The following NT5C3A variants were observed in gnomAD, a reference collection of about 807,000 sequenced individuals.
NT5C3A encodes the protein cytosolic 5'-nucleotidase 3A.
NT5C3A carries 23 observed loss-of-function variants against 40.0 expected under a neutral mutation model. That is an observed-to-expected ratio of 0.58 (90% CI 0.41 to 0.81). The LOEUF (loss-of-function observed/expected upper bound fraction) is 0.81. NT5C3A is among the 40% of genes least tolerant of loss of function. The probability of loss-of-function intolerance (pLI) is 0.00; values close to 1 mark genes in which losing one functional copy is unlikely to be tolerated. For missense variants in NT5C3A, 328 were observed against 403.0 expected (o/e 0.81, Z 1.59); for synonymous variants, 130 against 141.4 (o/e 0.92, Z 0.57).
intron 2 of NT5C3A, among the ~76,000 whole-genome samples, chr7:33,025,830 C>A (rs188888116): frequency 5.1e-4 from 77 of 152,252 alleles, no homozygotes; most frequent in Admixed American, 1.3e-4. Flanking sequence ...AAACTGTCTA[C>A]CTAAACTTGC....
At chr7:33,059,739 A>ATGACTC (rs1787705563) in intron 1 of NT5C3A, among the ~76,000 whole-genome samples, 1 of 152,232 alleles carries the variant, frequency 6.6e-6, no homozygotes, top group Non-Finnish European at 1.5e-5. Flanking sequence ...CTAGGTTTGT[A>ATGACTC]TGACTCTACA....
chr7:33,056,655 G>A (rs7800610), intron 1 of NT5C3A, among the ~76,000 whole-genome samples: 127,612 of 152,004 alleles, frequency 0.84, 54,071 homozygotes, highest in African/African-American at 0.96. Flanking sequence ...CTGGCAGCAG[G>A]GTGAGACCTA....
chr7:33,026,353 G>GAAGAAAAAAA (rs1554290722), intron 2 of NT5C3A, among the ~76,000 whole-genome samples: 1 of 94,156 alleles, frequency 1.1e-5, no homozygotes, highest in Admixed American at 1.5e-4. Flanking sequence ...CATCTCAAAA[G>GAAGAAAAAAA]AAAAAAAAAA....
chr7:33,057,394 C>T (rs536992974), intron 1 of NT5C3A, among the ~76,000 whole-genome samples: 44 of 152,058 alleles, frequency 2.9e-4, no homozygotes, highest in Admixed American at 7.2e-4. Context: ...CGTGGTGGTG[C>T]GTGCTTTAGT....
chr7:33,014,401 T>C lies in NT5C3A; in HGVS notation c.*329A>G, dbSNP rs958225195. 32 of 462,160 alleles carry C rather than the reference T, an allele frequency of 6.9e-5. No individual in the cohort carries two copies. The highest frequency in any genetic ancestry group is 4.6e-4 in the African/African-American group (23 of 50,336). 28.6% of individuals were successfully genotyped at this position (462,160 alleles called of 1,614,324 possible). On this transcript the variant is annotated 3_prime_UTR_variant, in exon 9 of 9. Coordinates refer to ENST00000610140, the MANE Select transcript of NT5C3A (RefSeq NM_001002010.5). ...TTCATAAAACTTATTTTAAAATTTC[T>C]ACAAACTTTCCCAGTGTAAAAGACT...
At chr7:33,035,973 T>G (rs1205972714) in intron 1 of NT5C3A, 1 of 1,613,292 alleles carries the variant, frequency 6.2e-7, no homozygotes. Flanking sequence ...TAGTCATTTC[T>G]TGGTTATCCA....
intron 5 of NT5C3A, among the ~76,000 whole-genome samples, chr7:33,020,920 C>A (rs1583900785): frequency 6.6e-6 from 1 of 152,076 alleles, no homozygotes. Flanking sequence ...AACCATATCA[C>A]CTGCTGGCTC....
At chr7:33,036,985 T>A (rs1786641650) in intron 1 of NT5C3A, among the ~76,000 whole-genome samples, 2 of 152,124 alleles carry the variant, frequency 1.3e-5, no homozygotes. Context: ...TTAATTTTTG[T>A]ATTTTTAGTA....
intron 1 of NT5C3A, among the ~76,000 whole-genome samples, chr7:33,055,977 G>A (rs1355049173): frequency 6.6e-6 from 1 of 152,084 alleles, no homozygotes; most frequent in East Asian, 1.9e-4. Flanking sequence ...AGGCATAATG[G>A]CTCATGCCTA....
chr7:33,054,353 C>CA (rs35691055), intron 1 of NT5C3A, among the ~76,000 whole-genome samples: 1,566 of 135,248 alleles, frequency 0.012, 25 homozygotes, highest in African/African-American at 0.038. Flanking sequence ...GACCCTGCCT[C>CA]AAAAAAAAAA....
chr7:33,032,513 G>A (rs1183386143), intron 1 of NT5C3A, among the ~76,000 whole-genome samples: 1 of 151,622 alleles, frequency 6.6e-6, no homozygotes, highest in Non-Finnish European at 1.5e-5. Flanking sequence ...CTGGAGGGCA[G>A]TGGCGTGATC....
chr7:33,054,979 A>C (rs1787514501), intron 1 of NT5C3A, among the ~76,000 whole-genome samples: 1 of 152,184 alleles, frequency 6.6e-6, no homozygotes, highest in South Asian at 2.1e-4. Context: ...AGAGCTACTT[A>C]AAATCTAGAT....
At chr7:33,062,489 C>A in intron 1 of NT5C3A, 79 bp downstream of exon 1, 1 of 1,337,730 alleles carries the variant, frequency 7.5e-7, no homozygotes, top group Non-Finnish European at 1.1e-6. Flanking sequence ...GAACAGCGGC[C>A]CAGCACAGGC....
rs118175889 is a variant in NT5C3A, at chr7:33,062,214, C to A, written c.138+354G>T. 2.5e-3 allele frequency among the ~76,000 whole-genome samples: 375 copies of A among 152,296 alleles called. 1 individual carries two copies. The highest frequency in any genetic ancestry group is 0.021 in the South Asian group (100 of 4,832). On this transcript the variant is annotated intron_variant, in intron 1 of 8. Transcript: ENST00000610140. ...AGGCAGGGAGAGAAGGAGCCACCTG[C>A]CCAGGACATGCAGCTTATCTCTAGA...
At chr7:33,058,334 A>T in intron 1 of NT5C3A, among the ~76,000 whole-genome samples, 1 of 143,832 alleles carries the variant, frequency 7.0e-6, no homozygotes, top group East Asian at 2.0e-4. Context: ...GTACACTTTT[A>T]TTATTTTTTT....
chr7:33,024,214 T>C, intron 2 of NT5C3A, 106 bp from the exon 3 acceptor site: 1 of 714,656 alleles, frequency 1.4e-6, no homozygotes, highest in South Asian at 1.5e-5. Context: ...TGCATAGGAC[T>C]GTGCTCAAGT....
At chr7:33,017,039 C>T (rs935136794) in intron 7 of NT5C3A, among the ~76,000 whole-genome samples, 1 of 151,650 alleles carries the variant, frequency 6.6e-6, no homozygotes. Flanking sequence ...AAAAATTAGC[C>T]GGGTGTGGTG....
At chr7:33,035,812 G>A in intron 1 of NT5C3A, 1 of 792,144 alleles carries the variant, frequency 1.3e-6, no homozygotes, top group South Asian at 1.4e-5. Flanking sequence ...TTTATTTTGT[G>A]ATGCACTGTG....
At chr7:33,060,344 T>C (rs539715476) in intron 1 of NT5C3A, among the ~76,000 whole-genome samples, 1 of 151,362 alleles carries the variant, frequency 6.6e-6, no homozygotes, top group East Asian at 1.9e-4. Context: ...AGTTTCTTGA[T>C]CCCATTCCGT....
Sources: gnomAD v4.1 joint callset for allele counts (sites outside exome capture counted in the v4.1 genomes callset) on GRCh38, gnomAD v4.1.1 for gene constraint, MANE v1.5 for transcripts, NCBI Gene and HGNC (gene_info 2026-07-23, HGNC 2026-07-21) for gene names.